Variants in BBOX1 observed in about 807,000 individuals in gnomAD.
BBOX1 encodes the protein gamma-butyrobetaine hydroxylase 1, also known as gamma-butyrobetaine dioxygenase.
BBOX1 carries 35 observed loss-of-function variants against 41.6 expected under a neutral mutation model. The ratio of observed to expected loss-of-function variants is 0.84; its 90% CI spans 0.64 to 1.11. The LOEUF is 1.11. Ranked by LOEUF, BBOX1 falls within the 50% of genes most tolerant of loss-of-function variation. The probability of loss-of-function intolerance (pLI) is 0.00; values close to 1 mark genes in which losing one functional copy is unlikely to be tolerated. For synonymous variants in BBOX1, 163 were observed against 154.7 expected (o/e 1.05, Z -0.40); for missense variants, 458 against 460.6 (o/e 0.99, Z 0.05).
intron 5 of BBOX1, among the ~76,000 whole-genome samples, chr11:27,113,971 T>A (rs1859169992): frequency 6.6e-6 from 1 of 151,744 alleles, no homozygotes; most frequent in East Asian, 1.9e-4. Context: ...TCTATCTCTA[T>A]TCACAGATGG....
chr11:27,118,907 C>G (rs1478258137), intron 6 of BBOX1, among the ~76,000 whole-genome samples: 40 of 148,784 alleles, frequency 2.7e-4, no homozygotes, highest in Admixed American at 2.2e-3. Context: ...TTTTGCTACT[C>G]TGACCAGTTC....
chr11:27,093,185 T>C lies in BBOX1; in HGVS notation c.352T>C (p.Ser118Pro). The C allele has an allele frequency of 6.2e-7, 1 of 1,612,164 alleles. No homozygotes were observed. Among genetic ancestry groups the C allele is most frequent in the Non-Finnish European group, 8.5e-7 (1 of 1,178,802 alleles). ...LFFPECQYWGSELQLPTLDFE... is the reference protein window; with the variant it reads ...LFFPECQYWGPELQLPTLDFE... ...ATTCACAGAATGCCAATACTGGGGC[T>C]CAGAGCTCCAGCTACCCACTTTGGA... is the stretch of plus-strand genomic sequence containing the variant. Residue 118 changes from serine to proline, a missense_variant, in exon 5 of 9, where the codon TCA becomes CCA. Coordinates refer to ENST00000263182, the MANE Select transcript of BBOX1 (RefSeq NM_003986.3).
chr11:27,127,345 T>G lies in BBOX1; in HGVS notation c.1056T>G (p.Tyr352Ter), dbSNP rs755867068. The G allele has an allele frequency of 1.2e-6, 2 of 1,614,078 alleles. No homozygotes were observed. The highest frequency in any genetic ancestry group is 1.3e-5 in the African/African-American group (1 of 74,944). The change falls in exon 9 of 9, where the codon TAT (tyrosine) becomes TAG (stop). Residue 352 changes from tyrosine (Y) to a stop codon, truncating the protein, a stop_gained. Transcript: ENST00000263182. LOFTEE classifies it high-confidence loss of function. ...NWRLLHGRRS[Y>*]EAGTEISRHL... ...GCTTACTTCATGGCCGACGTAGCTATGAAGCAGGAACTGAGATATCCCGCC... is the reference window on the plus strand; with the variant it reads ...GCTTACTTCATGGCCGACGTAGCTAGGAAGCAGGAACTGAGATATCCCGCC...
chr11:27,079,960 C>T (rs1262168069), intron 4 of BBOX1, among the ~76,000 whole-genome samples: 12 of 152,152 alleles, frequency 7.9e-5, no homozygotes, highest in South Asian at 2.1e-4. Flanking sequence ...ACTGTTAACC[C>T]GCTGTCCGCA....
At chr11:27,063,609 G>C (rs1857196536) in intron 4 of BBOX1, among the ~76,000 whole-genome samples, 2 of 151,206 alleles carry the variant, frequency 1.3e-5, no homozygotes, top group South Asian at 2.1e-4. Flanking sequence ...ATGGAGACAG[G>C]CTGCTCAGTT....
chr11:27,042,359 G>T (rs762282539), intron 2 of BBOX1, among the ~76,000 whole-genome samples: 27 of 152,280 alleles, frequency 1.8e-4, no homozygotes, highest in Non-Finnish European at 4.0e-4. Flanking sequence ...TATTTTTGTT[G>T]TTATTGTTGC....
At chr11:27,064,286 A>G (rs1857218504) in intron 4 of BBOX1, among the ~76,000 whole-genome samples, 1 of 151,976 alleles carries the variant, frequency 6.6e-6, no homozygotes, top group Admixed American at 6.6e-5. Flanking sequence ...CCCTGTCAAA[A>G]CAGCTGCCTT....
At position 27,119,852 on chromosome 11, in the gene BBOX1, A is replaced by G. The variant is rs776347638; in HGVS notation, c.836+7A>G. 1.5e-6 allele frequency: 2 copies of G among 1,361,874 alleles called. No individual in the cohort carries two copies. Among genetic ancestry groups the G allele is most frequent in the African/African-American group, 3.0e-5 (2 of 66,846 alleles). 84.4% of individuals were successfully genotyped at this position (1,361,874 alleles called of 1,614,324 possible). On this transcript the variant is annotated splice_region_variant and intron_variant, in intron 7 of 8. Coordinates refer to ENST00000263182, the MANE Select transcript of BBOX1 (RefSeq NM_003986.3). ...CAAAACATAAAATTATAGAGTAAGT[A>G]CTATTTATAAATTTCCCATAGCAAT...
chr11:27,060,852 C>T (rs1488454509), intron 4 of BBOX1, among the ~76,000 whole-genome samples: 1 of 152,154 alleles, frequency 6.6e-6, no homozygotes, highest in East Asian at 1.9e-4. Flanking sequence ...GTTCATTTTT[C>T]CCTGTATCTA....
intron 5 of BBOX1, among the ~76,000 whole-genome samples, chr11:27,101,870 T>C (rs1211934924): frequency 6.6e-6 from 1 of 152,122 alleles, no homozygotes; most frequent in East Asian, 1.9e-4. Flanking sequence ...ATCTACTTTG[T>C]TAGGAAATTT....
intron 6 of BBOX1, among the ~76,000 whole-genome samples, chr11:27,116,234 C>T (rs1859254403): frequency 1.3e-5 from 2 of 151,854 alleles, no homozygotes; most frequent in Admixed American, 1.3e-4. Context: ...GAAAATCAAA[C>T]ACCGCATGTT....
At chr11:27,105,986 A>C (rs1858851409) in intron 5 of BBOX1, among the ~76,000 whole-genome samples, 1 of 152,150 alleles carries the variant, frequency 6.6e-6, no homozygotes, top group Admixed American at 6.6e-5. Flanking sequence ...ATATCTAGCC[A>C]AACTAAGCTT....
chr11:27,043,136 T>C (rs1156622209), intron 2 of BBOX1, among the ~76,000 whole-genome samples: 1 of 152,108 alleles, frequency 6.6e-6, no homozygotes, highest in African/African-American at 2.4e-5. Flanking sequence ...CGATCTCGGC[T>C]CACTGCAAGC....
At chr11:27,049,762 C>G (rs1260833696) in intron 2 of BBOX1, among the ~76,000 whole-genome samples, 1 of 152,016 alleles carries the variant, frequency 6.6e-6, no homozygotes, top group African/African-American at 2.4e-5. Context: ...ACATAGATGG[C>G]CCTCAGATGT....
rs560348720 is a variant in BBOX1, at chr11:27,118,136, C to T, written c.640-1513C>T. ...AATACTTTGTATCTCAATATTTACA[C>T]GCACATTGCATGTAATAGAGACATC... On this transcript the variant is annotated intron_variant, in intron 6 of 8. Transcript: ENST00000263182. Among the ~76,000 whole-genome samples the T allele has an allele frequency of 7.2e-5, 11 of 152,010 alleles. No individual in the cohort carries two copies. In the South Asian group the frequency reaches 1.2e-3, roughly 17 times the overall value.
rs1347475642 is a variant in BBOX1, at chr11:27,055,408, A to T, written c.-23A>T. The T allele has an allele frequency of 1.2e-6, 2 of 1,607,432 alleles. No individual in the cohort carries two copies. Among genetic ancestry groups the T allele is most frequent in the East Asian group, 2.2e-5 (1 of 44,790 alleles). ...TTTGTCATAGCAGGTAGCTGACAGCATCTACTCCTGAAGACCGGAAACATG... is the reference window on the plus strand; with the variant it reads ...TTTGTCATAGCAGGTAGCTGACAGCTTCTACTCCTGAAGACCGGAAACATG... On this transcript the variant is annotated 5_prime_UTR_variant, in exon 3 of 9. Transcript: ENST00000263182.
Position 27,115,669 on chromosome 11 carries a change from T to G in BBOX1, c.639+112T>G. Reference sequence around the variant, plus strand: ...CCAGGTAGTTTGTCTTTTATAAATTTTTTCTCCAAACACAATCCAAGCTCA... The same window carrying G: ...CCAGGTAGTTTGTCTTTTATAAATTGTTTCTCCAAACACAATCCAAGCTCA... On this transcript the variant is annotated intron_variant, in intron 6 of 8. Coordinates refer to ENST00000263182, the MANE Select transcript of BBOX1 (RefSeq NM_003986.3). 3 of 922,794 alleles carry G rather than the reference T, an allele frequency of 3.3e-6. No homozygotes were observed. The South Asian group carries it at 6.4e-5, about 20-fold the overall frequency. The allele number at this position is 922,794 out of a possible 1,614,324, so 57.2% of individuals were successfully genotyped here.
intron 4 of BBOX1, among the ~76,000 whole-genome samples, chr11:27,081,697 C>T (rs1490139368): frequency 6.6e-6 from 1 of 152,148 alleles, no homozygotes; most frequent in African/African-American, 2.4e-5. Flanking sequence ...TCTGATTTCT[C>T]CACATCCTCT....
intron 5 of BBOX1, among the ~76,000 whole-genome samples, chr11:27,113,742 A>C (rs940717938): frequency 2.6e-5 from 4 of 151,632 alleles, no homozygotes; most frequent in Non-Finnish European, 5.9e-5. Flanking sequence ...TACTCTGTAC[A>C]TAAACCCCTG....
Sources: allele counts gnomAD v4.1 joint callset (sites outside exome capture counted in the v4.1 genomes callset), GRCh38; gene constraint gnomAD v4.1.1; transcripts MANE v1.5; gene names NCBI Gene and HGNC (gene_info 2026-07-23, HGNC 2026-07-21).